Variants in SLC35B3 observed in about 807,000 individuals in gnomAD.
SLC35B3 encodes adenosine 3'-phospho 5'-phosphosulfate transporter 2.
A neutral mutation model predicts 44.1 loss-of-function variants in SLC35B3; 35 were observed. The observed-to-expected ratio is 0.79, with a 90% CI of 0.61 to 1.05. The LOEUF is 1.05. SLC35B3 is among the 50% of genes least tolerant of loss of function. The pLI is 0.00. For synonymous variants in SLC35B3, 146 were observed against 167.3 expected (o/e 0.87, Z 0.98); for missense variants, 414 against 476.4 (o/e 0.87, Z 1.22).
intron 7 of SLC35B3, among the ~76,000 whole-genome samples, chr6:8,418,501 A>G (rs561661587): frequency 3.3e-5 from 5 of 151,662 alleles, no homozygotes; most frequent in African/African-American, 1.2e-4. Flanking sequence ...ATACACACAC[A>G]TAATTTTCCT....
Position 8,416,905 on chromosome 6 carries a change from CA to C in SLC35B3, c.963del (p.Phe321LeufsTer7). On this transcript the variant is annotated frameshift_variant, in exon 9 of 11. Coordinates refer to ENST00000644923, the MANE Select transcript of SLC35B3 (RefSeq NM_001370476.2). LOFTEE classifies it high-confidence loss of function. Reference sequence around the variant, plus strand: ...CTACCTGTTACAGCAATAAGTGCACCAAAAATTTTAATCAAAGCCAGAACAA... The same window carrying C: ...CTACCTGTTACAGCAATAAGTGCACCAAAATTTTAATCAAAGCCAGAACAA... The C allele has an allele frequency of 3.2e-6, 5 of 1,587,268 alleles. No individual in the cohort carries two copies. Among genetic ancestry groups the C allele is most frequent in the Non-Finnish European group, 1.7e-6 (2 of 1,165,354 alleles).
At position 8,435,413 on chromosome 6, in the gene SLC35B3, C is replaced by T. The variant is rs769682569; in HGVS notation, c.-114G>A. The T allele has an allele frequency of 2.3e-6, 3 of 1,286,580 alleles. No homozygotes were observed. Among genetic ancestry groups the T allele is most frequent in the South Asian group, 1.2e-5 (1 of 80,928 alleles). 79.7% of individuals were successfully genotyped at this position (1,286,580 alleles called of 1,614,324 possible). ...GCGTCTGAGCTAGACGGAGCATCTCCCCCTCCCCTGGTCCGTCGCCATCAC... is the reference window on the plus strand; with the variant it reads ...GCGTCTGAGCTAGACGGAGCATCTCTCCCTCCCCTGGTCCGTCGCCATCAC... On this transcript the variant is annotated 5_prime_UTR_variant, in exon 1 of 11. Transcript: ENST00000644923. This position sits in a 1 kb window ranked among gnomAD's most constrained non-coding sequence, Gnocchi z 5.5.
In SLC35B3 at chr6:8,416,957, G is replaced by A. The variant is rs750507467; in HGVS notation, c.912C>T (p.Ser304=). 1.9e-6 allele frequency: 3 copies of A among 1,602,706 alleles called. No individual in the cohort carries two copies. Among genetic ancestry groups the A allele is most frequent in the Admixed American group, 3.4e-5 (2 of 58,320 alleles). The change falls in exon 9 of 11, where the codon TCC becomes TCT. Residue 304 remains serine (S), a synonymous_variant. Coordinates refer to ENST00000644923, the MANE Select transcript of SLC35B3 (RefSeq NM_001370476.2). ...AGGAGATTCCAAAATATCCAGTGAG[G>A]GAAAAAAGGAACGCATAACCATAGG...
chr6:8,417,333 G>A lies in SLC35B3; in HGVS notation c.873+69C>T, dbSNP rs1467325873. The A allele has an allele frequency of 6.2e-6, 6 of 970,406 alleles. No individual in the cohort carries two copies. In the African/African-American group the frequency reaches 8.4e-5, roughly 14 times the overall value. The allele number at this position is 970,406 out of a possible 1,614,324, so 60.1% of individuals were successfully genotyped here. A position where few individuals can be genotyped will look rare whatever the true frequency, so the allele number is the denominator to read the frequency against. On this transcript the variant is annotated intron_variant, in intron 8 of 10. Coordinates refer to ENST00000644923, the MANE Select transcript of SLC35B3 (RefSeq NM_001370476.2). ...ATCTATGATAGCCTCTTTTGAACAAGGGAAATGAGAAATTTAGAGAAAATT... is the reference window on the plus strand; with the variant it reads ...ATCTATGATAGCCTCTTTTGAACAAAGGAAATGAGAAATTTAGAGAAAATT...
intron 4 of SLC35B3, 112 bp downstream of exon 3, chr6:8,427,825 T>G: frequency 1.2e-6 from 1 of 842,702 alleles, no homozygotes; most frequent in Non-Finnish European, 1.8e-6. Flanking sequence ...ACACTAAGAG[T>G]TCGTGCCTAT....
chr6:8,421,337 C>T (rs1471102944), intron 5 of SLC35B3, among the ~76,000 whole-genome samples: 1 of 152,008 alleles, frequency 6.6e-6, no homozygotes. Flanking sequence ...TGTAGTATGA[C>T]TTTTTTGTAA....
At chr6:8,429,763 A>G (rs1472845324) in intron 3 of SLC35B3, 101 bp downstream of exon 2, 1 of 785,644 alleles carries the variant, frequency 1.3e-6, no homozygotes, top group East Asian at 2.7e-5. Flanking sequence ...TGAATCAGCC[A>G]GTATCCCCTA....
In SLC35B3 at chr6:8,434,151, C is replaced by T. The variant is rs1223738945; in HGVS notation, c.3+234G>A. On this transcript the variant is annotated intron_variant, in intron 2 of 10. Coordinates refer to ENST00000644923, the MANE Select transcript of SLC35B3 (RefSeq NM_001370476.2). This position sits in a 1 kb window ranked among gnomAD's most constrained non-coding sequence, Gnocchi z 6.3. ...AAATGGAATAAAAAGGTAGCATTTC[C>T]GGCATACAATGTATATTTAAAAATT... Among the ~76,000 whole-genome samples the T allele has an allele frequency of 2.6e-5, 4 of 151,600 alleles. No homozygotes were observed. Among genetic ancestry groups the T allele is most frequent in the South Asian group, 2.1e-4 (1 of 4,818 alleles).
rs1382589528 is a variant in SLC35B3, at chr6:8,420,434, A to G, written c.682+287T>C. On this transcript the variant is annotated intron_variant, in intron 6 of 10. Transcript: ENST00000644923. The surrounding 1 kb of genome is among the most constrained non-coding windows in gnomAD (Gnocchi z 4.4). The stretch of plus-strand genomic sequence containing the variant: ...TTCATTTTTGAATAACGTAATACTG[A>G]GTTACGACATAATTATAATAAAGGT... 1.3e-5 allele frequency among the ~76,000 whole-genome samples: 2 copies of G among 152,220 alleles called. No homozygotes were observed. The highest frequency in any genetic ancestry group is 2.9e-5 in the Non-Finnish European group (2 of 68,034).
At position 8,413,469 on chromosome 6, in the gene SLC35B3, G is replaced by T; in HGVS notation, c.*80C>A. ...GATAGCAATGCCTCCAGATCCTTTG[G>T]TTTTTATCAGTCCCTTTGGAAAGTT... On this transcript the variant is annotated 3_prime_UTR_variant, in exon 11 of 11. Coordinates refer to ENST00000644923, the MANE Select transcript of SLC35B3 (RefSeq NM_001370476.2). The T allele has an allele frequency of 5.3e-6, 7 of 1,317,268 alleles. No homozygotes were observed. The highest frequency in any genetic ancestry group is 6.2e-6 in the Non-Finnish European group (6 of 963,188). 81.6% of individuals were successfully genotyped at this position (1,317,268 alleles called of 1,614,324 possible). A position where few individuals can be genotyped will look rare whatever the true frequency, so the allele number is the denominator to read the frequency against.
Position 8,413,685 on chromosome 6 carries a change from C to T in SLC35B3, c.1070G>A (p.Gly357Asp). 6.4e-7 allele frequency: 1 copy of T among 1,553,132 alleles called. No homozygotes were observed. Among genetic ancestry groups the T allele is most frequent in the Non-Finnish European group, 8.8e-7 (1 of 1,137,028 alleles). ...AAATATACCAAGGACAACTAACAAA[C>T]CAGACCATACATACCTAAGAGAAAG... The change falls in exon 11 of 11, where the codon GGT (glycine) becomes GAT (aspartate). Residue 357 changes from glycine to aspartate, a missense_variant. Physicochemically the swap from Gly to Asp is moderately conservative, Grantham distance 94. Coordinates refer to ENST00000644923, the MANE Select transcript of SLC35B3 (RefSeq NM_001370476.2).
At chr6:8,414,160 T>C (rs1184297424) in intron 10 of SLC35B3, among the ~76,000 whole-genome samples, 1 of 152,128 alleles carries the variant, frequency 6.6e-6, no homozygotes, top group African/African-American at 2.4e-5. Flanking sequence ...ATTATATTTA[T>C]GTATGACATA....
In SLC35B3 at chr6:8,434,289, A is replaced by T; in HGVS notation, c.3+96T>A. On this transcript the variant is annotated intron_variant, in intron 2 of 10. Coordinates refer to ENST00000644923, the MANE Select transcript of SLC35B3 (RefSeq NM_001370476.2). This position sits in a 1 kb window ranked among gnomAD's most constrained non-coding sequence, Gnocchi z 6.3. ...AAGTCCCACACCAAAAAAAGGTAGA[A>T]TATGAAAAAAAAGTCATTACGGTGT... 1.7e-6 allele frequency: 2 copies of T among 1,181,682 alleles called. No individual in the cohort carries two copies. Among genetic ancestry groups the T allele is most frequent in the South Asian group, 2.6e-5 (2 of 77,892 alleles). The allele number at this position is 1,181,682 out of a possible 1,614,324, so 73.2% of individuals were successfully genotyped here. A position where few individuals can be genotyped will look rare whatever the true frequency, so the allele number is the denominator to read the frequency against.
rs144423950 is a variant in SLC35B3 at position 8,414,124 on chromosome 6, C to G, written c.1056-425G>C. Among the ~76,000 whole-genome samples, 1,281 of 152,060 alleles carry G rather than the reference C, an allele frequency of 8.4e-3. 20 individuals carry two copies. Among genetic ancestry groups the G allele is most frequent in the African/African-American group, 0.029 (1,193 of 41,484 alleles). ...ATAAAGGAATAAAAAGAGAAACATCCCTGAGAAAGTAGGGGAATCATTATA... is the reference window on the plus strand; with the variant it reads ...ATAAAGGAATAAAAAGAGAAACATCGCTGAGAAAGTAGGGGAATCATTATA... On this transcript the variant is annotated intron_variant, in intron 10 of 10. Coordinates refer to ENST00000644923, the MANE Select transcript of SLC35B3 (RefSeq NM_001370476.2).
chr6:8,435,428 G>T lies in SLC35B3; in HGVS notation c.-129C>A, dbSNP rs948866547. The T allele has an allele frequency of 2.5e-5, 32 of 1,275,278 alleles. No homozygotes were observed. The highest frequency in any genetic ancestry group is 2.9e-5 in the Non-Finnish European group (28 of 977,794). 79.0% of individuals were successfully genotyped at this position (1,275,278 alleles called of 1,614,324 possible). On this transcript the variant is annotated 5_prime_UTR_variant, in exon 1 of 11. Transcript: ENST00000644923. This position sits in a 1 kb window ranked among gnomAD's most constrained non-coding sequence, Gnocchi z 5.5. The stretch of plus-strand genomic sequence containing the variant: ...GGAGCATCTCCCCCTCCCCTGGTCC[G>T]TCGCCATCACCTCCTCTTCCTCCTC...
At chr6:8,416,861 C>T (rs747507754) in intron 9 of SLC35B3, 23 bp downstream of exon 8, 64 of 1,218,496 alleles carry the variant, frequency 5.3e-5, no homozygotes, top group Non-Finnish European at 6.9e-5. Context: ...ATTTTATAAT[C>T]AAAGCAAGTA....
At chr6:8,417,800 A>ATACT (rs151145855) in intron 7 of SLC35B3, among the ~76,000 whole-genome samples, 121,949 of 151,650 alleles carry the variant, frequency 0.8, 49,790 homozygotes, top group African/African-American at 0.95. Context: ...TCTAAAAAAA[A>ATACT]TAAATGAAAC....
chr6:8,413,852 T>G (rs1278726630), intron 10 of SLC35B3, among the ~76,000 whole-genome samples, 153 bp from the exon 10 acceptor site: 1 of 152,164 alleles, frequency 6.6e-6, no homozygotes, highest in Non-Finnish European at 1.5e-5. Context: ...AAAATAGTAT[T>G]CTTAGATGAG....
At position 8,411,933 on chromosome 6, in the gene SLC35B3, A is replaced by G. The variant is rs1222577668; in HGVS notation, c.*1616T>C. 2.6e-5 allele frequency among the ~76,000 whole-genome samples: 4 copies of G among 152,214 alleles called. No individual in the cohort carries two copies. Among genetic ancestry groups the G allele is most frequent in the Admixed American group, 2.6e-4 (4 of 15,270 alleles). ...CTAAAAATAAGTGCCCAAATCTTTG[A>G]ATTTAGACTCAAAACTATGCATGCA... is the stretch of plus-strand genomic sequence containing the variant. On this transcript the variant is annotated 3_prime_UTR_variant, in exon 11 of 11. Coordinates refer to ENST00000644923, the MANE Select transcript of SLC35B3 (RefSeq NM_001370476.2).
Sources: allele counts gnomAD v4.1 joint callset (sites outside exome capture counted in the v4.1 genomes callset), GRCh38; gene constraint gnomAD v4.1.1; non-coding constraint Gnocchi (gnomAD v3.1); transcripts MANE v1.5; gene names NCBI Gene and HGNC (gene_info 2026-07-23, HGNC 2026-07-21).